The following CCDC73 variants were observed in gnomAD, a reference collection of about 807,000 sequenced individuals.
CCDC73 encodes the protein coiled-coil domain containing 73.
CCDC73 carries 95 observed loss-of-function variants against 116.5 expected under a neutral mutation model. The observed-to-expected ratio is 0.82, with a 90% CI of 0.69 to 0.97. The LOEUF (loss-of-function observed/expected upper bound fraction) is 0.97. Among genes scored for constraint, CCDC73 ranks in the 50% least tolerant of loss-of-function variants. CCDC73 has a pLI of 0.00. For synonymous variants in CCDC73, 398 were observed against 401.3 expected (o/e 0.99, Z 0.10); for missense variants, 1,066 against 1,206.8 (o/e 0.88, Z 1.73).
chr11:32,798,803 C>T (rs951698516), upstream of CCDC73, among the ~76,000 whole-genome samples: 1 of 152,028 alleles, frequency 6.6e-6, no homozygotes, highest in African/African-American at 2.4e-5. Context: ...CCATTTTCCC[C>T]TCTTAGTTAA....
At chr11:32,764,228 G>T (rs986192861) in intron 1 of CCDC73, among the ~76,000 whole-genome samples, 1 of 152,078 alleles carries the variant, frequency 6.6e-6, no homozygotes, top group African/African-American at 2.4e-5. Flanking sequence ...ACCTACCAAG[G>T]CAGGCCAACA....
rs1194439362 is a variant in CCDC73, at chr11:32,661,429, T to G, written c.646-6457A>C. Reference sequence around the variant, plus strand: ...ACTCTTCATTTACATTAGGTGTATCTCCTAATGCTATCCCTCCCCCCTCCC... The same window carrying G: ...ACTCTTCATTTACATTAGGTGTATCGCCTAATGCTATCCCTCCCCCCTCCC... On this transcript the variant is annotated intron_variant, in intron 9 of 17. Transcript: ENST00000335185. 2.0e-5 allele frequency among the ~76,000 whole-genome samples: 3 copies of G among 151,514 alleles called. 1 individual carries two copies. The highest frequency in any genetic ancestry group is 6.3e-3 in the Middle Eastern group (2 of 316).
At chr11:32,792,769 G>T (rs1157290959) in intron 1 of CCDC73, among the ~76,000 whole-genome samples, 2 of 152,156 alleles carry the variant, frequency 1.3e-5, no homozygotes, top group East Asian at 3.8e-4. Flanking sequence ...TAAGCATCTG[G>T]GTTTCAATTC....
intron 5 of CCDC73, among the ~76,000 whole-genome samples, chr11:32,699,900 AT>A (rs1849797319): frequency 1.3e-5 from 2 of 149,294 alleles, no homozygotes; most frequent in Admixed American, 1.3e-4. Context: ...ATATATATAT[AT>A]AAAAAGAACC....
At chr11:32,695,821 T>C (rs1235607353) in intron 6 of CCDC73, among the ~76,000 whole-genome samples, 1 of 151,088 alleles carries the variant, frequency 6.6e-6, no homozygotes, top group Non-Finnish European at 1.5e-5. Flanking sequence ...CGTTTAAGTT[T>C]TTTTTTTGTT....
At position 32,647,395 on chromosome 11, in the gene CCDC73, C is replaced by T. The variant is rs187650313; in HGVS notation, c.940-5313G>A. 3.3e-5 allele frequency among the ~76,000 whole-genome samples: 5 copies of T among 152,304 alleles called. No homozygotes were observed. In the East Asian group the frequency reaches 9.6e-4, roughly 29 times the overall value. ...CACCAAGCCATAAGGAATCTGCCCC[C>T]GTGACGCACACACCTCCCACCAGGT... On this transcript the variant is annotated intron_variant, in intron 12 of 17. Coordinates refer to ENST00000335185, the MANE Select transcript of CCDC73 (RefSeq NM_001008391.4).
the CCDC73 span, chr11:32,830,398 C>G: frequency 1.0e-6 from 1 of 989,632 alleles, no homozygotes. Context: ...GCGCCGGGCG[C>G]TCTTGCGCCT....
At chr11:32,818,760 C>T in the CCDC73 span, among the ~76,000 whole-genome samples, 1 of 152,176 alleles carries the variant, frequency 6.6e-6, no homozygotes, top group Non-Finnish European at 1.5e-5. Flanking sequence ...TGCTATAATG[C>T]ACGTATGTTC....
chr11:32,696,620 C>T (rs1041224880), intron 6 of CCDC73, among the ~76,000 whole-genome samples: 4 of 151,854 alleles, frequency 2.6e-5, no homozygotes, highest in South Asian at 2.1e-4. Context: ...TTTTTTTGTA[C>T]AGACGCGGTT....
At chr11:32,803,645 T>C in the CCDC73 span, among the ~76,000 whole-genome samples, 1 of 152,352 alleles carries the variant, frequency 6.6e-6, no homozygotes, top group Non-Finnish European at 1.5e-5. Context: ...TATGCATTAA[T>C]CAATTATCCT....
At chr11:32,626,917 AG>A (rs1296731024) in intron 14 of CCDC73, among the ~76,000 whole-genome samples, 1 of 152,246 alleles carries the variant, frequency 6.6e-6, no homozygotes, top group African/African-American at 2.4e-5. Context: ...GGCATGGGCA[AG>A]GACTTCATGT....
chr11:32,749,763 G>A (rs1051717393), intron 2 of CCDC73, among the ~76,000 whole-genome samples: 8 of 152,238 alleles, frequency 5.3e-5, no homozygotes, highest in Middle Eastern at 3.4e-3. Context: ...GCCCAATAAC[G>A]ATGTAGTTCT....
rs75307703 is a variant in CCDC73, at chr11:32,694,615, T to C, written c.390+4636A>G. Reference sequence around the variant, plus strand: ...ATAATTAAAAAAACAATTAAAAATATACTTTCTATATTGTCCAGATAATTA... The same window carrying C: ...ATAATTAAAAAAACAATTAAAAATACACTTTCTATATTGTCCAGATAATTA... On this transcript the variant is annotated intron_variant, in intron 6 of 17. Coordinates refer to ENST00000335185, the MANE Select transcript of CCDC73 (RefSeq NM_001008391.4). Among the ~76,000 whole-genome samples, 54 of 152,268 alleles carry C rather than the reference T, an allele frequency of 3.5e-4. No individual in the cohort carries two copies. In the East Asian group the frequency reaches 9.3e-3, roughly 26 times the overall value.
chr11:32,651,076 G>C (rs966443578), intron 12 of CCDC73, among the ~76,000 whole-genome samples: 1 of 152,158 alleles, frequency 6.6e-6, no homozygotes, highest in Non-Finnish European at 1.5e-5. Context: ...CTCAGCATGA[G>C]TGAGAGCCAC....
At chr11:32,803,952 G>A in the CCDC73 span, among the ~76,000 whole-genome samples, 4 of 151,988 alleles carry the variant, frequency 2.6e-5, no homozygotes, top group Non-Finnish European at 5.9e-5. Flanking sequence ...GACTACAGGT[G>A]TATGCCACAG....
At chr11:32,812,626 G>C in the CCDC73 span, among the ~76,000 whole-genome samples, 1 of 149,992 alleles carries the variant, frequency 6.7e-6, no homozygotes, top group Non-Finnish European at 1.5e-5. Flanking sequence ...CCGAGATCAT[G>C]CCATTGCACT....
chr11:32,728,450 G>A (rs1850047900), intron 2 of CCDC73, among the ~76,000 whole-genome samples: 1 of 152,010 alleles, frequency 6.6e-6, no homozygotes, highest in East Asian at 1.9e-4. Context: ...TCACTTTCCA[G>A]CACTGCAAGA....
chr11:32,697,863 G>A (rs1434740348), intron 6 of CCDC73, among the ~76,000 whole-genome samples: 1 of 151,522 alleles, frequency 6.6e-6, no homozygotes. Context: ...TAGGTAAATT[G>A]CGTGTCACGG....
At chr11:32,731,456 A>G (rs1850077369) in intron 2 of CCDC73, among the ~76,000 whole-genome samples, 1 of 152,158 alleles carries the variant, frequency 6.6e-6, no homozygotes, top group Non-Finnish European at 1.5e-5. Flanking sequence ...TTGAGAATGG[A>G]CAGACTGCAT....
Sources: allele counts gnomAD v4.1 joint callset (sites outside exome capture counted in the v4.1 genomes callset), GRCh38; gene constraint gnomAD v4.1.1; transcripts MANE v1.5; gene names NCBI Gene and HGNC (gene_info 2026-07-23, HGNC 2026-07-21).